The following MORC2 variants were observed in gnomAD, a reference collection of about 807,000 sequenced individuals.
MORC2 encodes ATPase MORC2.
MORC2 carries 30 observed loss-of-function variants against 136.0 expected under a neutral mutation model. The observed-to-expected ratio is 0.22, with a 90% confidence interval of 0.17 to 0.30. MORC2 has a LOEUF of 0.30. Ranked by LOEUF, MORC2 falls within the 10% of genes least tolerant of loss-of-function variation. MORC2 has a pLI of 1.00. For missense variants in MORC2, 922 were observed against 1,333.1 expected, an observed-to-expected ratio of 0.69 and a Z score of 4.80; for synonymous variants, 439 against 487.0, an observed-to-expected ratio of 0.90 and a Z score of 1.30.
chr22:30,946,488 G>C (rs751163284), intron 5 of MORC2, 39 bp from the exon 6 acceptor site: 3 of 1,532,216 alleles, frequency 2.0e-6, no homozygotes, highest in Non-Finnish European at 2.7e-6. Context: ...TCTCCCAGGA[G>C]TCAAAAGCTC....
At position 30,932,657 on chromosome 22, in the gene MORC2, G is replaced by C. The variant is rs1399798893; in HGVS notation, c.2635C>G (p.Gln879Glu). 6.2e-6 allele frequency: 10 copies of C among 1,614,172 alleles called. No homozygotes were observed. The highest frequency in any genetic ancestry group is 8.5e-6 in the Non-Finnish European group (10 of 1,180,024). Residue 879 changes from glutamine to glutamate, a missense_variant, in exon 23 of 26, where the codon CAG becomes GAG. By Grantham distance (29) the Gln-to-Glu change is conservative. This residue lies in a region of MORC2 where 263 missense variants were observed against 388.3 expected (regional missense o/e 0.68). Coordinates refer to ENST00000397641, the MANE Select transcript of MORC2 (RefSeq NM_001303256.3). The surrounding 1 kb of genome is among the most constrained non-coding windows in gnomAD (Gnocchi z 4.4). ...GEEEVGPVAQ[Q>E]AIAVAEPSTS... is the part of the protein sequence containing the mutation. ...GAGGGCTCTGCGACAGCTATGGCCT[G>C]CTGGGCCACAGGGCCCACCTCCTCC...
chr22:30,941,898 C>T lies in MORC2; in HGVS notation c.691G>A (p.Glu231Lys). Residue 231 changes from glutamate (E) to lysine (K), a missense_variant, in exon 8 of 26, where the codon GAG becomes AAG. Glu to Lys is a moderately conservative substitution (Grantham distance 56). This residue lies in a region of MORC2 where 261 missense variants were observed against 354.3 expected (regional missense o/e 0.74). Coordinates refer to ENST00000397641, the MANE Select transcript of MORC2 (RefSeq NM_001303256.3). The surrounding 1 kb of genome is among the most constrained non-coding windows in gnomAD (Gnocchi z 4.6). Reference protein sequence around the residue: ...RDIQMAETSPEGTKPERRSFR... With the variant: ...RDIQMAETSPKGTKPERRSFR... ...CTTCCCAGCCACACTCACGTGCCCTCTGGGGACGTCTCTGCCATCTGGATA... is the reference window on the plus strand; with the variant it reads ...CTTCCCAGCCACACTCACGTGCCCTTTGGGGACGTCTCTGCCATCTGGATA... 1 of 1,610,450 alleles carries T rather than the reference C, an allele frequency of 6.2e-7. No individual in the cohort carries two copies. The highest frequency in any genetic ancestry group is 2.2e-5 in the East Asian group (1 of 44,858).
chr22:30,934,963 G>T lies in MORC2; in HGVS notation c.2011C>A (p.Pro671Thr). The T allele has an allele frequency of 6.2e-7, 1 of 1,614,146 alleles. No individual in the cohort carries two copies. Among genetic ancestry groups the T allele is most frequent in the Non-Finnish European group, 8.5e-7 (1 of 1,180,030 alleles). The change falls in exon 19 of 26, where the codon CCT becomes ACT. Residue 671 changes from proline to threonine, a missense_variant. Physicochemically the swap from Pro to Thr is conservative, Grantham distance 38. Around this residue, in one of 9 missense-constraint regions of MORC2, gnomAD observed 184 missense variants for 180.3 expected, o/e 1.02. Coordinates refer to ENST00000397641, the MANE Select transcript of MORC2 (RefSeq NM_001303256.3). This position sits in a 1 kb window ranked among gnomAD's most constrained non-coding sequence, Gnocchi z 4.4. ...EASTSRLLQP[P>T]EAPRKPANTL... Reference sequence around the variant, plus strand: ...TTGGCAGGCTTTCGGGGTGCCTCAGGTGGCTGGAGCAGCCTAGATGTGCTG... The same window carrying T: ...TTGGCAGGCTTTCGGGGTGCCTCAGTTGGCTGGAGCAGCCTAGATGTGCTG...
chr22:30,950,337 G>GCGGGGGGCCCCC, intron 4 of MORC2, 40 bp downstream of exon 4: 2 of 761,694 alleles, frequency 2.6e-6, no homozygotes, highest in Non-Finnish European at 4.7e-6. Context: ...TGGTTACATC[G>GCGGGGGGCCCCC]CACCCCCCCA....
chr22:30,925,195 AACTG>A lies in MORC2; in HGVS notation c.*1604_*1607del, dbSNP rs2040465794. ...CGATTACATGTGTGTGAATTTTAAA[AACTG>A]ATTACCCTCCAGTAAAAATGTGGAA... On this transcript the variant is annotated 3_prime_UTR_variant, in exon 26 of 26. Transcript: ENST00000397641. 2.4e-5 allele frequency: 7 copies of A among 290,150 alleles called. No individual in the cohort carries two copies. Among genetic ancestry groups the A allele is most frequent in the Non-Finnish European group, 4.7e-5 (7 of 147,576 alleles). The allele number at this position is 290,150 out of a possible 1,614,324, so 18.0% of individuals were successfully genotyped here.
Position 30,967,816 on chromosome 22 carries a change from A to T in MORC2, c.68+6T>A. ...GTTACCTCAGTGGCACCTAGAGGAT[A>T]CTTACGAATTTGTGTGCAGATATTC... On this transcript the variant is annotated splice_donor_region_variant and intron_variant, in intron 1 of 25. Coordinates refer to ENST00000397641, the MANE Select transcript of MORC2 (RefSeq NM_001303256.3). 6.4e-7 allele frequency: 1 copy of T among 1,551,118 alleles called. No homozygotes were observed. The highest frequency in any genetic ancestry group is 8.7e-7 in the Non-Finnish European group (1 of 1,147,030).
At chr22:30,959,427 C>T (rs1414333261) in intron 1 of MORC2, among the ~76,000 whole-genome samples, 3 of 152,176 alleles carry the variant, frequency 2.0e-5, no homozygotes, top group African/African-American at 7.2e-5. Context: ...TTCTCTTTAC[C>T]TTCTCTTTCA....
intron 1 of MORC2, chr22:30,967,086 G>A (rs1841676836): frequency 3.0e-6 from 3 of 983,860 alleles, no homozygotes; most frequent in South Asian, 9.4e-5. Context: ...AAAGTAACAG[G>A]TGAATGTATT....
Position 30,941,524 on chromosome 22 carries a change from C to A in MORC2, c.733G>T (p.Ala245Ser). 1 of 1,614,020 alleles carries A rather than the reference C, an allele frequency of 6.2e-7. No homozygotes were observed. The highest frequency in any genetic ancestry group is 1.1e-5 in the South Asian group (1 of 91,078). Reference protein sequence around the residue: ...PERRSFRAYAAVLYIDPRMRI... With the variant: ...PERRSFRAYASVLYIDPRMRI... Reference sequence around the variant, plus strand: ...ATCCGGGGATCAATATAGAGCACAGCGGCATAGGCACGGAACGAGCGCCGC... The same window carrying A: ...ATCCGGGGATCAATATAGAGCACAGAGGCATAGGCACGGAACGAGCGCCGC... Residue 245 changes from alanine (A) to serine (S), a missense_variant, in exon 9 of 26, where the codon GCT becomes TCT. By Grantham distance (99) the Ala-to-Ser change is moderately conservative (BLOSUM62 1). Around this residue, in one of 9 missense-constraint regions of MORC2, gnomAD observed 261 missense variants for 354.3 expected, o/e 0.74. Transcript: ENST00000397641. This position sits in a 1 kb window ranked among gnomAD's most constrained non-coding sequence, Gnocchi z 4.6.
intron 1 of MORC2, chr22:30,967,403 G>A: frequency 3.0e-6 from 3 of 987,578 alleles, no homozygotes; most frequent in Non-Finnish European, 3.6e-6. Context: ...AATGTCTTCT[G>A]TTTTCTTGTT....
chr22:30,933,174 AC>A, intron 21 of MORC2, 144 bp from the exon 22 acceptor site: 1 of 1,238,414 alleles, frequency 8.1e-7, no homozygotes, highest in Non-Finnish European at 1.1e-6. Flanking sequence ...GGACACAGAG[AC>A]CAGGGACCAG....
At chr22:30,945,608 G>A (rs753729404) in intron 6 of MORC2, among the ~76,000 whole-genome samples, 5 of 152,180 alleles carry the variant, frequency 3.3e-5, no homozygotes, top group Non-Finnish European at 7.3e-5. Context: ...CAATGAGGGG[G>A]CATAGACCTC....
At chr22:30,943,178 G>A (rs780009438) in intron 6 of MORC2, among the ~76,000 whole-genome samples, 1 of 152,102 alleles carries the variant, frequency 6.6e-6, no homozygotes, top group Non-Finnish European at 1.5e-5. Flanking sequence ...AATACCTACA[G>A]TAAGAGTCCA....
intron 11 of MORC2, 88 bp from the exon 12 acceptor site, chr22:30,939,794 T>C: frequency 1.4e-6 from 2 of 1,413,382 alleles, no homozygotes; most frequent in South Asian, 1.2e-5. Context: ...CATCTCAATT[T>C]ATCTCAAAGA....
intron 6 of MORC2, 122 bp downstream of exon 6, chr22:30,946,219 G>A: frequency 1.5e-6 from 1 of 669,908 alleles, no homozygotes; most frequent in Non-Finnish European, 2.5e-6. Context: ...ATAACAATTA[G>A]GGGGAATGTG....
At chr22:30,967,181 G>A (rs1363547266) in intron 1 of MORC2, 1 of 985,380 alleles carries the variant, frequency 1.0e-6, no homozygotes, top group Non-Finnish European at 1.2e-6. Flanking sequence ...GACCATGTTG[G>A]AGTGATTAGA....
In MORC2 at chr22:30,942,118, C is replaced by A; in HGVS notation, c.580G>T (p.Asp194Tyr). 1 of 1,613,576 alleles carries A rather than the reference C, an allele frequency of 6.2e-7. No individual in the cohort carries two copies. Among genetic ancestry groups the A allele is most frequent in the South Asian group, 1.1e-5 (1 of 91,060 alleles). Reference sequence around the variant, plus strand: ...AGGCTCAAAGCCTACTTACCGCTGTCCCCAGGAATCTTCATAAACTGGGTC... The same window carrying A: ...AGGCTCAAAGCCTACTTACCGCTGTACCCAGGAATCTTCATAAACTGGGTC... ...VMTQFMKIPG[D>Y]SGTLVIIFNL... Residue 194 changes from aspartate (D) to tyrosine (Y), a missense_variant, in exon 7 of 26, where the codon GAC becomes TAC. Physicochemically the swap from Asp to Tyr is radical, Grantham distance 160. Transcript: ENST00000397641.
chr22:30,967,249 G>A, intron 1 of MORC2: 1 of 986,068 alleles, frequency 1.0e-6, no homozygotes, highest in Middle Eastern at 5.2e-4. Flanking sequence ...GAAATTTTGG[G>A]GAAAGACTAT....
chr22:30,962,882 T>C (rs5753408), intron 1 of MORC2, among the ~76,000 whole-genome samples: 60,582 of 152,104 alleles, frequency 0.4, 13,192 homozygotes, highest in East Asian at 0.67. Context: ...GAATCAAAAT[T>C]ATACCAACTG....
Sources: allele counts gnomAD v4.1 joint callset (sites outside exome capture counted in the v4.1 genomes callset), GRCh38; gene constraint gnomAD v4.1.1; regional missense constraint gnomAD v4.1.1; non-coding constraint Gnocchi (gnomAD v3.1); transcripts MANE v1.5; gene names NCBI Gene and HGNC (gene_info 2026-07-23, HGNC 2026-07-21).